The following EHF variants were observed in gnomAD, a reference collection of about 807,000 sequenced individuals.
EHF encodes ESE3 transcription factor.
In EHF, 14 loss-of-function variants were observed where a neutral mutation model predicts 45.1. The ratio of observed to expected loss-of-function variants is 0.31; its 90% confidence interval spans 0.21 to 0.49. The LOEUF is 0.49. Among genes scored for constraint, EHF ranks in the 20% least tolerant of loss-of-function variants. The probability of loss-of-function intolerance (pLI) is 0.99; values close to 1 mark genes in which losing one functional copy is unlikely to be tolerated. For synonymous variants in EHF, 136 were observed against 131.8 expected (o/e 1.03, Z -0.22); for missense variants, 282 against 371.4 (o/e 0.76, Z 1.98).
At chr11:34,626,450 T>C (rs938424469) in intron 1 of EHF, among the ~76,000 whole-genome samples, 30 of 152,242 alleles carry the variant, frequency 2.0e-4, no homozygotes, top group African/African-American at 7.0e-4. Flanking sequence ...TGATATATTC[T>C]GGACAATAAG....
Position 34,621,139 on chromosome 11 carries a change from C to G in EHF, c.-93C>G, listed in dbSNP as rs889784547. 1 of 152,220 alleles carries G rather than the reference C, an allele frequency of 6.6e-6. No individual in the cohort carries two copies. Among genetic ancestry groups the G allele is most frequent in the African/African-American group, 2.4e-5 (1 of 41,448 alleles). The allele number at this position is 152,220 out of a possible 1,614,324, so 9.4% of individuals were successfully genotyped here. On this transcript the variant is annotated 5_prime_UTR_variant, in exon 1 of 9. Transcript: ENST00000257831. Reference sequence around the variant, plus strand: ...TGATAACACCCGTGGTGCCCCATCCCTATAGGAGCTGGTGAGATTGCAGCC... The same window carrying G: ...TGATAACACCCGTGGTGCCCCATCCGTATAGGAGCTGGTGAGATTGCAGCC...
intron 1 of EHF, among the ~76,000 whole-genome samples, chr11:34,634,006 G>T (rs1400289367): frequency 6.6e-6 from 1 of 152,184 alleles, no homozygotes; most frequent in African/African-American, 2.4e-5. Context: ...TAATACCTCA[G>T]ATGTTGCCCC....
rs72277773 is a variant in EHF at position 34,640,022 on chromosome 11, CT to C, written c.-3-2593del. ...ATTGTTCTGCAACATTTATTAAATT[CT>C]TTTTTTTTTTTTCACTACTTGCCAA... On this transcript the variant is annotated intron_variant, in intron 1 of 8. Coordinates refer to ENST00000257831, the MANE Select transcript of EHF (RefSeq NM_012153.6). Among the ~76,000 whole-genome samples, 1,146 of 145,698 alleles carry C rather than the reference CT, an allele frequency of 7.9e-3. 14 individuals are homozygous for C. Among genetic ancestry groups the C allele is most frequent in the African/African-American group, 0.023 (933 of 39,868 alleles).
At chr11:34,627,146 C>T (rs566886798) in intron 1 of EHF, among the ~76,000 whole-genome samples, 6 of 132,388 alleles carry the variant, frequency 4.5e-5, no homozygotes, top group South Asian at 2.6e-4. Context: ...GTGTGTGTGG[C>T]GATCAACATT....
At chr11:34,649,756 C>T (rs1320948754) in intron 4 of EHF, among the ~76,000 whole-genome samples, 1 of 152,212 alleles carries the variant, frequency 6.6e-6, no homozygotes, top group Non-Finnish European at 1.5e-5. Flanking sequence ...AACTGTGCAG[C>T]AACTATTGCT....
At chr11:34,643,799 A>G (rs1055686019) in intron 2 of EHF, among the ~76,000 whole-genome samples, 2 of 152,102 alleles carry the variant, frequency 1.3e-5, no homozygotes, top group African/African-American at 4.8e-5. Context: ...ATAAAACTGG[A>G]AGTCTTTGGC....
chr11:34,653,659 C>G (rs1042062530), intron 6 of EHF, among the ~76,000 whole-genome samples: 1 of 152,140 alleles, frequency 6.6e-6, no homozygotes, highest in African/African-American at 2.4e-5. Context: ...GGTAATAGCC[C>G]TTCAGTAGGA....
At position 34,651,712 on chromosome 11, in the gene EHF, G is replaced by A. The variant is rs528593388; in HGVS notation, c.476-25G>A. 176 of 1,613,692 alleles carry A rather than the reference G, an allele frequency of 1.1e-4. 3 individuals are homozygous for A. In the South Asian group the frequency reaches 1.8e-3, roughly 17 times the overall value. ...GGTGGGGGGAGGGGGTGCTCTAAAT[G>A]TCCTTTATCTTTTCATGGCCACAGA... is the stretch of plus-strand genomic sequence containing the variant. On this transcript the variant is annotated intron_variant, in intron 5 of 8. Coordinates refer to ENST00000257831, the MANE Select transcript of EHF (RefSeq NM_012153.6).
intron 1 of EHF, among the ~76,000 whole-genome samples, chr11:34,626,280 A>G (rs1852369019): frequency 1.3e-5 from 2 of 152,182 alleles, no homozygotes; most frequent in African/African-American, 4.8e-5. Context: ...TTAGCCTGAT[A>G]CAACATCCCC....
intron 3 of EHF, 73 bp downstream of exon 3, chr11:34,646,757 C>T: frequency 6.4e-7 from 1 of 1,572,230 alleles, no homozygotes; most frequent in Non-Finnish European, 8.6e-7. Context: ...CTGCAGATGA[C>T]AGGATTCTTT....
Position 34,658,936 on chromosome 11 carries a change from G to A in EHF, c.*5G>A, listed in dbSNP as rs779456630. The A allele has an allele frequency of 3.1e-6, 5 of 1,607,762 alleles. No individual in the cohort carries two copies. In the South Asian group the frequency reaches 4.4e-5, roughly 14 times the overall value. On this transcript the variant is annotated 3_prime_UTR_variant, in exon 9 of 9. Transcript: ENST00000257831. ...TGGAGAGAAAATGAAAACTGAAGCT[G>A]CCAATACTTTGGACACAAACCAAAA...
At chr11:34,623,212 A>C (rs1271084369) in intron 1 of EHF, among the ~76,000 whole-genome samples, 1 of 151,912 alleles carries the variant, frequency 6.6e-6, no homozygotes, top group East Asian at 1.9e-4. Context: ...CAGCCCCCCG[A>C]GTAGCTGGGA....
At chr11:34,623,471 A>G (rs1431965765) in intron 1 of EHF, among the ~76,000 whole-genome samples, 1 of 152,148 alleles carries the variant, frequency 6.6e-6, no homozygotes, top group African/African-American at 2.4e-5. Flanking sequence ...GGAAAGCCCT[A>G]CATTCCCACT....
At chr11:34,630,121 G>C (rs547434985) in intron 1 of EHF, among the ~76,000 whole-genome samples, 1 of 152,284 alleles carries the variant, frequency 6.6e-6, no homozygotes, top group African/African-American at 2.4e-5. Flanking sequence ...AAAGTTGTGG[G>C]AATCGTGCTT....
intron 1 of EHF, among the ~76,000 whole-genome samples, chr11:34,628,498 G>A (rs563034307): frequency 6.6e-6 from 1 of 152,266 alleles, no homozygotes; most frequent in South Asian, 2.1e-4. Context: ...CACGACTAAC[G>A]AAATGACTTC....
chr11:34,630,514 G>A (rs1340194192), intron 1 of EHF, among the ~76,000 whole-genome samples: 1 of 151,918 alleles, frequency 6.6e-6, no homozygotes, highest in Admixed American at 6.6e-5. Context: ...TCTGAGATGG[G>A]GGCTGTTGCT....
intron 1 of EHF, among the ~76,000 whole-genome samples, chr11:34,632,036 C>T (rs1185897871): frequency 1.3e-5 from 2 of 152,148 alleles, no homozygotes; most frequent in African/African-American, 4.8e-5. Flanking sequence ...TTGCCATCTC[C>T]CTCTGGCCTA....
At chr11:34,630,270 A>G (rs1364075855) in intron 1 of EHF, among the ~76,000 whole-genome samples, 1 of 151,902 alleles carries the variant, frequency 6.6e-6, no homozygotes, top group Non-Finnish European at 1.5e-5. Context: ...TACACTTATT[A>G]TAATATATCC....
chr11:34,635,299 GT>G (rs1295435263), intron 1 of EHF, among the ~76,000 whole-genome samples: 1 of 152,136 alleles, frequency 6.6e-6, no homozygotes, highest in Admixed American at 6.6e-5. Flanking sequence ...AGGGAGGCCA[GT>G]GGAGCAGTCC....
Sources: allele counts gnomAD v4.1 joint callset (sites outside exome capture counted in the v4.1 genomes callset), GRCh38; gene constraint gnomAD v4.1.1; transcripts MANE v1.5; gene names NCBI Gene and HGNC (gene_info 2026-07-23, HGNC 2026-07-21).